BMAL2: variants seen among roughly 807,000 people sequenced by gnomAD.
BMAL2 encodes basic helix-loop-helix ARNT like 2.
chr12:27,354,341 C>T, the BMAL2 span, among the ~76,000 whole-genome samples: 1 of 151,888 alleles, frequency 6.6e-6, no homozygotes, highest in African/African-American at 2.4e-5. Flanking sequence ...AGTGTATGTT[C>T]TCAGTTATTA....
the BMAL2 span, among the ~76,000 whole-genome samples, chr12:27,357,808 A>G: frequency 6.6e-6 from 1 of 152,208 alleles, no homozygotes. Flanking sequence ...TTGGCAAGCC[A>G]CATGGAGAAG....
the BMAL2 span, chr12:27,368,143 T>C: frequency 2.2e-5 from 21 of 958,518 alleles, no homozygotes; most frequent in African/African-American, 1.3e-4. Flanking sequence ...GCGCCTGGCC[T>C]TAGCTGGTAT....
At chr12:27,384,566 C>G in the BMAL2 span, among the ~76,000 whole-genome samples, 7 of 152,110 alleles carry the variant, frequency 4.6e-5, no homozygotes, top group Admixed American at 3.3e-4. Context: ...AGTGGTCCCC[C>G]CTTATCCATA....
chr12:27,333,184 GTCTGCCCCC>G, the BMAL2 span: 2 of 1,184,408 alleles, frequency 1.7e-6, no homozygotes, highest in Non-Finnish European at 2.1e-6. Context: ...GCGACGCCAG[GTCTGCCCCC>G]GCTGCCCCGA....
At chr12:27,332,978 C>G in the BMAL2 span, 2 of 1,042,144 alleles carry the variant, frequency 1.9e-6, no homozygotes, top group African/African-American at 3.4e-5. Context: ...CGCTTCCCTG[C>G]TCCAGAGCCG....
At chr12:27,334,243 C>T in the BMAL2 span, among the ~76,000 whole-genome samples, 1 of 152,172 alleles carries the variant, frequency 6.6e-6, no homozygotes, top group African/African-American at 2.4e-5. Context: ...CTTTCTGCTC[C>T]GTCTTGTGAC....
the BMAL2 span, chr12:27,420,356 G>C: frequency 6.2e-7 from 1 of 1,608,372 alleles, no homozygotes; most frequent in Non-Finnish European, 8.5e-7. Context: ...TGACTTTACT[G>C]ATCACCTTTA....
chr12:27,357,434 A>G, the BMAL2 span, among the ~76,000 whole-genome samples: 1 of 152,224 alleles, frequency 6.6e-6, no homozygotes, highest in African/African-American at 2.4e-5. Context: ...GAAAATGACC[A>G]TATTGCCAAA....
the BMAL2 span, among the ~76,000 whole-genome samples, chr12:27,348,410 A>G: frequency 6.6e-6 from 1 of 152,220 alleles, no homozygotes; most frequent in Non-Finnish European, 1.5e-5. Context: ...ATAGGGTAGT[A>G]GCAAAATTGA....
At chr12:27,341,906 G>T in the BMAL2 span, among the ~76,000 whole-genome samples, 4 of 152,232 alleles carry the variant, frequency 2.6e-5, no homozygotes, top group Admixed American at 6.5e-5. Flanking sequence ...GGTGACATCA[G>T]GAGATGTCTT....
chr12:27,400,734 C>G, the BMAL2 span: 1 of 1,611,452 alleles, frequency 6.2e-7, no homozygotes, highest in Non-Finnish European at 8.5e-7. Context: ...ATTTATAACC[C>G]GGTTTGCAGT....
the BMAL2 span, chr12:27,385,545 A>C: frequency 6.3e-7 from 1 of 1,594,620 alleles, no homozygotes; most frequent in Non-Finnish European, 8.6e-7. Context: ...ATGAGCTCAG[A>C]CATTTAATCC....
At chr12:27,420,408 A>G in the BMAL2 span, 10 of 1,614,050 alleles carry the variant, frequency 6.2e-6, no homozygotes, top group South Asian at 1.1e-5. Flanking sequence ...GATGGTGCAC[A>G]GTTGGATTTC....
the BMAL2 span, chr12:27,401,397 A>T: frequency 7.6e-6 from 12 of 1,575,772 alleles, no homozygotes; most frequent in African/African-American, 1.4e-5. Flanking sequence ...CATTTTGGGG[A>T]ATTTAAAATG....
At chr12:27,376,205 G>T in the BMAL2 span, 2 of 673,374 alleles carry the variant, frequency 3.0e-6, no homozygotes, top group Non-Finnish European at 5.1e-6. Flanking sequence ...AGGTCATTAG[G>T]TGCTCAAGGG....
the BMAL2 span, among the ~76,000 whole-genome samples, chr12:27,358,035 A>G: frequency 6.6e-6 from 1 of 151,776 alleles, no homozygotes; most frequent in Non-Finnish European, 1.5e-5. Context: ...ATATTTATTT[A>G]TTTTATAAAT....
the BMAL2 span, among the ~76,000 whole-genome samples, chr12:27,350,135 C>T: frequency 6.6e-6 from 1 of 152,232 alleles, no homozygotes; most frequent in Non-Finnish European, 1.5e-5. Flanking sequence ...CTTTAGCAGA[C>T]TATGAGGCTG....
the BMAL2 span, among the ~76,000 whole-genome samples, chr12:27,404,413 G>A: frequency 6.6e-6 from 1 of 152,032 alleles, no homozygotes; most frequent in South Asian, 2.1e-4. Context: ...ACAATCAAAT[G>A]CACATGCAAA....
chr12:27,332,940 G>A, the BMAL2 span: 1 of 606,596 alleles, frequency 1.6e-6, no homozygotes, highest in Non-Finnish European at 2.2e-6. Context: ...GGCGGCCGCC[G>A]CGGCACCCGG....
Sources: allele counts gnomAD v4.1 joint callset (sites outside exome capture counted in the v4.1 genomes callset), GRCh38; gene constraint gnomAD v4.1.1; transcripts MANE v1.5; gene names NCBI Gene and HGNC (gene_info 2026-07-23, HGNC 2026-07-21).